SHISA9: variants seen among roughly 807,000 people sequenced by gnomAD.
SHISA9 encodes shisa family member 9, also known as protein shisa-9.
SHISA9 carries 13 observed loss-of-function variants against 38.0 expected under a neutral mutation model. The ratio of observed to expected loss-of-function variants is 0.34; its 90% CI spans 0.22 to 0.54. The LOEUF (loss-of-function observed/expected upper bound fraction) is 0.54. SHISA9 is among the 20% of genes least tolerant of loss of function. The pLI, the probability that SHISA9 is intolerant of heterozygous loss-of-function variation, is 0.91. For synonymous variants in SHISA9, 275 were observed against 242.0 expected, an observed-to-expected ratio of 1.14 and a Z score of -1.27; for missense variants, 538 against 575.8, an observed-to-expected ratio of 0.93 and a Z score of 0.67.
At chr16:13,133,040 C>G (rs2050319102) in intron 2 of SHISA9, among the ~76,000 whole-genome samples, 1 of 152,114 alleles carries the variant, frequency 6.6e-6, no homozygotes, top group African/African-American at 2.4e-5. Flanking sequence ...CCAAAGACTA[C>G]TTCTGTAGCT....
the SHISA9 span, among the ~76,000 whole-genome samples, chr16:13,383,738 C>T: frequency 3.3e-5 from 5 of 152,172 alleles, no homozygotes; most frequent in East Asian, 3.8e-4. Context: ...GCAACCTCCA[C>T]CTCCCAGGCT....
chr16:13,023,828 C>G (rs1037536014), intron 2 of SHISA9, among the ~76,000 whole-genome samples: 1 of 152,060 alleles, frequency 6.6e-6, no homozygotes, highest in African/African-American at 2.4e-5. Flanking sequence ...ACCTCTTTTT[C>G]TAAATGAGGT....
chr16:13,141,689 T>G (rs2050403338), intron 2 of SHISA9, among the ~76,000 whole-genome samples: 1 of 152,016 alleles, frequency 6.6e-6, no homozygotes, highest in South Asian at 2.1e-4. Flanking sequence ...CTCAAATATA[T>G]ATATATAATA....
chr16:13,121,718 G>A (rs931547960), intron 2 of SHISA9, among the ~76,000 whole-genome samples: 1 of 152,024 alleles, frequency 6.6e-6, no homozygotes, highest in South Asian at 2.1e-4. Context: ...TGGGGGCAGG[G>A]AAGGGGAATG....
At chr16:13,543,746 T>C in the SHISA9 span, among the ~76,000 whole-genome samples, 1 of 152,178 alleles carries the variant, frequency 6.6e-6, no homozygotes, top group Non-Finnish European at 1.5e-5. Flanking sequence ...TCCCAAATGC[T>C]GCTGCAGAGC....
chr16:13,224,464 T>A (rs204022), intron 4 of SHISA9, among the ~76,000 whole-genome samples: 110,176 of 152,150 alleles, frequency 0.72, 41,450 homozygotes, highest in African/African-American at 0.93. Flanking sequence ...CCAGGAGATG[T>A]AATATCCTGC....
the SHISA9 span, among the ~76,000 whole-genome samples, chr16:13,338,312 T>C: frequency 3.9e-5 from 6 of 152,286 alleles, no homozygotes; most frequent in South Asian, 1.2e-3. Context: ...TTACGTCAGT[T>C]AGAGTTATGG....
At chr16:13,073,976 T>G (rs1449255634) in intron 2 of SHISA9, among the ~76,000 whole-genome samples, 18 of 149,608 alleles carry the variant, frequency 1.2e-4, no homozygotes, top group Admixed American at 2.7e-4. Context: ...TTTGTTTTTT[T>G]TTTTTGTGGG....
the SHISA9 span, among the ~76,000 whole-genome samples, chr16:13,557,770 C>T: frequency 1.3e-5 from 2 of 152,160 alleles, no homozygotes; most frequent in East Asian, 3.9e-4. Context: ...ATGAACGTGA[C>T]TGTGCAGGTC....
At chr16:13,351,669 T>G in the SHISA9 span, among the ~76,000 whole-genome samples, 1 of 152,228 alleles carries the variant, frequency 6.6e-6, no homozygotes, top group Non-Finnish European at 1.5e-5. Context: ...GAAAAATCAC[T>G]GTGTTAGAAT....
At chr16:13,205,755 GTCT>G (rs771988587) in intron 3 of SHISA9, among the ~76,000 whole-genome samples, 94 of 151,962 alleles carry the variant, frequency 6.2e-4, no homozygotes, top group African/African-American at 8.2e-4. Flanking sequence ...TCATAGGAAG[GTCT>G]TCTTCTTCTT....
At chr16:13,557,248 C>T in the SHISA9 span, among the ~76,000 whole-genome samples, 3 of 152,108 alleles carry the variant, frequency 2.0e-5, no homozygotes, top group Non-Finnish European at 4.4e-5. Flanking sequence ...TGAGGTTTTG[C>T]ATAAAATTTG....
the SHISA9 span, among the ~76,000 whole-genome samples, chr16:13,493,903 C>T: frequency 6.6e-6 from 1 of 151,928 alleles, no homozygotes. Flanking sequence ...ATCAGAAGAG[C>T]TCATAGATCC....
At chr16:12,945,857 C>T (rs541540829) in intron 2 of SHISA9, among the ~76,000 whole-genome samples, 36 of 152,056 alleles carry the variant, frequency 2.4e-4, no homozygotes, top group South Asian at 6.2e-4. Flanking sequence ...CCCAGAGCAA[C>T]GAGATGAGCA....
At chr16:12,908,638 T>A (rs1427052715) in intron 1 of SHISA9, 3 of 1,550,032 alleles carry the variant, frequency 1.9e-6, no homozygotes, top group Non-Finnish European at 2.6e-6. Flanking sequence ...CCTGCAGGAA[T>A]TCCAGACTTC....
chr16:13,522,673 T>C, the SHISA9 span, among the ~76,000 whole-genome samples: 5 of 152,324 alleles, frequency 3.3e-5, no homozygotes, highest in Admixed American at 1.3e-4. Flanking sequence ...AGGCTGACCT[T>C]ATAAAAGCTG....
intron 2 of SHISA9, among the ~76,000 whole-genome samples, chr16:13,057,442 T>G (rs1022442924): frequency 1.3e-5 from 2 of 152,126 alleles, no homozygotes; most frequent in East Asian, 1.9e-4. Flanking sequence ...TAGTCCAGGC[T>G]GGAGTGCAAT....
At chr16:13,415,947 G>A in the SHISA9 span, among the ~76,000 whole-genome samples, 1 of 152,138 alleles carries the variant, frequency 6.6e-6, no homozygotes, top group African/African-American at 2.4e-5. Flanking sequence ...GGTGTTAGAT[G>A]TCAGAATAGC....
chr16:12,943,550 T>C (rs1165250942), intron 2 of SHISA9, among the ~76,000 whole-genome samples: 1 of 152,150 alleles, frequency 6.6e-6, no homozygotes, highest in Non-Finnish European at 1.5e-5. Flanking sequence ...GTGGAATAAA[T>C]AAATGATAAG....
Sources: gnomAD v4.1 joint callset for allele counts (sites outside exome capture counted in the v4.1 genomes callset) on GRCh38, gnomAD v4.1.1 for gene constraint, MANE v1.5 for transcripts, NCBI Gene and HGNC (gene_info 2026-07-23, HGNC 2026-07-21) for gene names.